The following EIF3B variants were observed in gnomAD, a reference collection of about 807,000 sequenced individuals.
The protein encoded by EIF3B is eukaryotic translation initiation factor 3 subunit 9.
EIF3B carries 10 observed loss-of-function variants against 104.6 expected under a neutral mutation model. That is an observed-to-expected ratio of 0.10 (90% confidence interval 0.06 to 0.16). EIF3B has a LOEUF of 0.16. Among genes scored for constraint, EIF3B ranks in the 10% least tolerant of loss-of-function variants. The pLI is 1.00. For missense variants in EIF3B, 1,014 were observed against 1,087.9 expected (o/e 0.93, Z 0.96); for synonymous variants, 542 against 417.2 (o/e 1.30, Z -3.65).
In EIF3B at chr7:2,369,511, C is replaced by T. The variant is rs1200358769; in HGVS notation, c.1443C>T (p.Phe481=). Residue 481 remains phenylalanine (F), a synonymous_variant, in exon 10 of 19, where the codon TTC becomes TTT. Transcript: ENST00000360876. ...CTCCTGGTGGTAACATAATCGCCTT[C>T]TGGGTGCCTGAAGACAAAGATATTC... is the stretch of plus-strand genomic sequence containing the variant. ...SWSPGGNIIA[F]WVPEDKDIPA... 2 of 1,614,190 alleles carry T rather than the reference C, an allele frequency of 1.2e-6. No homozygotes were observed. The highest frequency in any genetic ancestry group is 8.5e-7 in the Non-Finnish European group (1 of 1,180,034).
At chr7:2,358,592 T>C (rs1010440967) in intron 1 of EIF3B, among the ~76,000 whole-genome samples, 12 of 152,130 alleles carry the variant, frequency 7.9e-5, no homozygotes, top group Admixed American at 2.6e-4. Flanking sequence ...AGTGGCATGA[T>C]CTTGGCTCAC....
intron 14 of EIF3B, 58 bp downstream of exon 14, chr7:2,375,585 C>T: frequency 6.2e-7 from 1 of 1,609,608 alleles, no homozygotes; most frequent in Non-Finnish European, 8.5e-7. Context: ...TGCTGGCTAG[C>T]TGCTGACTCT....
chr7:2,370,587 C>T (rs956945133), intron 10 of EIF3B, among the ~76,000 whole-genome samples: 1 of 152,140 alleles, frequency 6.6e-6, no homozygotes, highest in Non-Finnish European at 1.5e-5. Context: ...GAAAACACCC[C>T]TTTAGAGTGG....
intron 2 of EIF3B, among the ~76,000 whole-genome samples, chr7:2,361,692 T>G (rs747538107): frequency 6.6e-6 from 1 of 152,160 alleles, no homozygotes; most frequent in African/African-American, 2.4e-5. Flanking sequence ...GTGCTGGGAT[T>G]ACAGGCCTGA....
chr7:2,367,370 G>A (rs1010145132), intron 9 of EIF3B, among the ~76,000 whole-genome samples: 1 of 134,288 alleles, frequency 7.4e-6, no homozygotes, highest in African/African-American at 2.7e-5. Context: ...ACCCCATGCC[G>A]TCACCCCAGG....
chr7:2,361,370 T>C (rs1306485179), intron 2 of EIF3B, among the ~76,000 whole-genome samples: 1 of 152,214 alleles, frequency 6.6e-6, no homozygotes, highest in African/African-American at 2.4e-5. Context: ...AAGGATGGCC[T>C]CTTGACCCTC....
intron 6 of EIF3B, 90 bp from the exon 7 acceptor site, chr7:2,366,227 C>T (rs939936918): frequency 1.7e-5 from 24 of 1,405,420 alleles, no homozygotes; most frequent in Admixed American, 2.4e-5. Context: ...GCTGGTTCCG[C>T]GAGTTCTGAC....
chr7:2,366,800 G>A (rs1242880910), intron 8 of EIF3B, 199 bp from the exon 9 acceptor site: 4 of 800,066 alleles, frequency 5.0e-6, no homozygotes, highest in Admixed American at 5.3e-5. Context: ...GGAAGTCCTG[G>A]ATGGGAGTTA....
In EIF3B at chr7:2,363,702, A is replaced by C; in HGVS notation, c.941A>C (p.Asp314Ala). 1 of 1,614,054 alleles carries C rather than the reference A, an allele frequency of 6.2e-7. No homozygotes were observed. Among genetic ancestry groups the C allele is most frequent in the Non-Finnish European group, 8.5e-7 (1 of 1,179,998 alleles). The change falls in exon 5 of 19, where the codon GAC (aspartate) becomes GCC (alanine). Residue 314 changes from aspartate (D) to alanine (A), a missense_variant. Asp to Ala is a moderately radical substitution (Grantham distance 126). Coordinates refer to ENST00000360876, the MANE Select transcript of EIF3B (RefSeq NM_001037283.2). ...TACAGTGTGATTTTTGAGAGTGGAG[A>C]CCGCACTTCCATATTCTGGAATGAC... is the stretch of plus-strand genomic sequence containing the variant. ...DQYSVIFESGDRTSIFWNDVK... is the reference protein window; with the variant it reads ...DQYSVIFESGARTSIFWNDVK...
At chr7:2,358,800 A>T (rs1021320117) in intron 1 of EIF3B, among the ~76,000 whole-genome samples, 1 of 152,176 alleles carries the variant, frequency 6.6e-6, no homozygotes, top group Non-Finnish European at 1.5e-5. Flanking sequence ...AAATGCTGGG[A>T]TTACAGGCGT....
intron 15 of EIF3B, chr7:2,378,470 C>A: frequency 4.8e-6 from 1 of 208,330 alleles, no homozygotes; most frequent in Non-Finnish European, 9.1e-6. Context: ...TGTGAATGAC[C>A]CTGGGTGTCA....
At chr7:2,371,049 T>C (rs185790250) in intron 10 of EIF3B, among the ~76,000 whole-genome samples, 79 of 152,160 alleles carry the variant, frequency 5.2e-4, no homozygotes, top group African/African-American at 1.6e-3. Flanking sequence ...GGCAACAGAG[T>C]GAGACTCCGT....
intron 12 of EIF3B, chr7:2,373,542 G>A (rs1024936315): frequency 2.0e-5 from 3 of 152,174 alleles, no homozygotes; most frequent in Non-Finnish European, 2.9e-5. Flanking sequence ...CGCACCTTTC[G>A]CAGCATGATT....
intron 9 of EIF3B, among the ~76,000 whole-genome samples, chr7:2,368,994 C>G (rs1780178019): frequency 6.6e-6 from 1 of 152,230 alleles, no homozygotes; most frequent in African/African-American, 2.4e-5. Context: ...TTCGTTACAG[C>G]AGCTCTTCTG....
chr7:2,372,211 AAG>A (rs1491187233), intron 11 of EIF3B: 4 of 245,488 alleles, frequency 1.6e-5, no homozygotes, highest in Non-Finnish European at 3.2e-5. Context: ...GTCTAAAAAA[AAG>A]AGAAAAGAGA....
At chr7:2,372,528 C>T in intron 11 of EIF3B, 145 bp from the exon 12 acceptor site, 1 of 966,918 alleles carries the variant, frequency 1.0e-6, no homozygotes. Context: ...ACCTTTCCTG[C>T]TGTTGCTTGC....
chr7:2,371,692 C>A (rs1204341681), intron 10 of EIF3B, 85 bp from the exon 11 acceptor site: 1 of 1,087,214 alleles, frequency 9.2e-7, no homozygotes, highest in African/African-American at 1.5e-5. Context: ...CTGAATCTTT[C>A]ATTGTGACGT....
At chr7:2,368,097 G>C (rs964251014) in intron 9 of EIF3B, among the ~76,000 whole-genome samples, 2 of 151,526 alleles carry the variant, frequency 1.3e-5, no homozygotes, top group East Asian at 1.9e-4. Context: ...GCCCACCTCA[G>C]CCTCCCAAAG....
At position 2,379,130 on chromosome 7, in the gene EIF3B, A is replaced by G. The variant is rs573885331; in HGVS notation, c.2233-4A>G. 4 of 1,613,354 alleles carry G rather than the reference A, an allele frequency of 2.5e-6. No homozygotes were observed. In the African/African-American group the frequency reaches 4.0e-5, roughly 16 times the overall value. On this transcript the variant is annotated splice_region_variant and splice_polypyrimidine_tract_variant and intron_variant, in intron 16 of 18. Coordinates refer to ENST00000360876, the MANE Select transcript of EIF3B (RefSeq NM_001037283.2). Reference sequence around the variant, plus strand: ...TTCTGTGCTTTCCCCAACCTCATGCATAGGAATTGGTGGAGAGAAGGCGCA... The same window carrying G: ...TTCTGTGCTTTCCCCAACCTCATGCGTAGGAATTGGTGGAGAGAAGGCGCA...
Sources: gnomAD v4.1 joint callset for allele counts (sites outside exome capture counted in the v4.1 genomes callset) on GRCh38, gnomAD v4.1.1 for gene constraint, MANE v1.5 for transcripts, NCBI Gene and HGNC (gene_info 2026-07-23, HGNC 2026-07-21) for gene names.